Variants in NUP62CL observed in about 807,000 individuals in gnomAD.
NUP62CL encodes nucleoporin 62 C-terminal like, also known as nucleoporin-62 C-terminal-like protein.
A neutral mutation model predicts 15.3 loss-of-function variants in NUP62CL; 13 were observed. That is an observed-to-expected ratio of 0.85 (90% CI 0.55 to 1.35). The LOEUF (loss-of-function observed/expected upper bound fraction) is 1.35, where lower values mean the gene tolerates loss of function less well. Ranked by LOEUF, NUP62CL falls within the 40% of genes most tolerant of loss-of-function variation. NUP62CL has a pLI of 0.00. For missense variants in NUP62CL, 123 were observed against 130.6 expected, an observed-to-expected ratio of 0.94 and a Z score of 0.28; for synonymous variants, 54 against 49.2, an observed-to-expected ratio of 1.10 and a Z score of -0.41.
intron 8 of NUP62CL, among the ~76,000 whole-genome samples, chrX:107,129,573 T>C (rs1379825941): frequency 8.9e-6 from 1 of 112,335 alleles, no homozygotes; most frequent in African/African-American, 3.2e-5. Flanking sequence ...GAGCTGGAAG[T>C]TTCTTCTCCA....
intron 4 of NUP62CL, among the ~76,000 whole-genome samples, chrX:107,154,870 A>G (rs1046731805): frequency 9.0e-6 from 1 of 111,442 alleles, no homozygotes; most frequent in Non-Finnish European, 1.9e-5. Context: ...CAATTCCTCC[A>G]CCAGGGTTCT....
intron 7 of NUP62CL, among the ~76,000 whole-genome samples, chrX:107,152,053 T>TATATATATATATATATATATATTCAG (rs1569356971): frequency 3.5e-4 from 23 of 66,477 alleles, no homozygotes; most frequent in African/African-American, 6.8e-4. Context: ...TATTCAGATA[T>TATATATATATATATATATATATTCAG]ATATATATAT....
At chrX:107,152,119 T>TATATATATATATTCAG (rs1172367099) in intron 7 of NUP62CL, among the ~76,000 whole-genome samples, 1 of 48,864 alleles carries the variant, frequency 2.0e-5, no homozygotes, top group Admixed American at 3.0e-4. Flanking sequence ...TATATTCAGA[T>TATATATATATATTCAG]ATATATATAT....
chrX:107,148,232 A>T (rs1925927127), intron 7 of NUP62CL, among the ~76,000 whole-genome samples: 1 of 111,895 alleles, frequency 8.9e-6, no homozygotes, highest in African/African-American at 3.2e-5. Context: ...TAGTAATATA[A>T]ATTGACCCAA....
intron 1 of NUP62CL, among the ~76,000 whole-genome samples, chrX:107,197,320 C>T (rs1343212): frequency 0.24 from 26,460 of 110,549 alleles, 2,590 homozygotes; most frequent in East Asian, 0.48. Flanking sequence ...TATTCCCTAT[C>T]CTTTTTTAAC....
At chrX:107,160,313 C>T (rs1461943971) in intron 4 of NUP62CL, among the ~76,000 whole-genome samples, 8 of 105,668 alleles carry the variant, frequency 7.6e-5, no homozygotes, top group South Asian at 4.2e-4. Context: ...AAAAAGAGCC[C>T]GCATCACCAA....
At chrX:107,186,124 G>A (rs1276119996) in intron 2 of NUP62CL, among the ~76,000 whole-genome samples, 1 of 111,329 alleles carries the variant, frequency 9.0e-6, no homozygotes, top group African/African-American at 3.3e-5. Context: ...CACAGTTAGA[G>A]AGTTCAATAC....
chrX:107,164,546 C>T (rs1407948270), intron 4 of NUP62CL, among the ~76,000 whole-genome samples: 4 of 111,266 alleles, frequency 3.6e-5, no homozygotes, highest in Non-Finnish European at 7.6e-5. Context: ...ATTAATTAAA[C>T]AAAAGCTGGC....
At position 107,124,180 on chromosome X, in the gene NUP62CL, T is replaced by C. The variant is rs887033778; in HGVS notation, c.*195A>G. 1 of 326,098 alleles carries C rather than the reference T, an allele frequency of 3.1e-6. No individual in the cohort carries two copies. Among genetic ancestry groups the C allele is most frequent in the Non-Finnish European group, 6.1e-6 (1 of 164,616 alleles). The allele number at this position is 326,098 out of a possible 1,213,427, so 26.9% of individuals were successfully genotyped here. On this transcript the variant is annotated 3_prime_UTR_variant, in exon 9 of 9. Coordinates refer to ENST00000372466, the MANE Select transcript of NUP62CL (RefSeq NM_017681.3). ...AATATTAAGTATAAATACTACTCTA[T>C]TTAACATCAGAATTTGTAGGTAATA...
At chrX:107,179,199 T>C (rs1025202920) in intron 2 of NUP62CL, among the ~76,000 whole-genome samples, 33 of 112,169 alleles carry the variant, frequency 2.9e-4, no homozygotes, top group African/African-American at 9.7e-4. Flanking sequence ...ATGGGTTTCA[T>C]TGCTACTTCA....
At chrX:107,165,868 C>T (rs750244295) in intron 4 of NUP62CL, among the ~76,000 whole-genome samples, 1 of 111,945 alleles carries the variant, frequency 8.9e-6, no homozygotes, top group South Asian at 3.7e-4. Flanking sequence ...AAAAATTAAT[C>T]TTGACCTAAA....
chrX:107,205,401 A>G lies in NUP62CL; in HGVS notation c.-92+872T>C, dbSNP rs760752008. Among the ~76,000 whole-genome samples, 6 of 112,440 alleles carry G rather than the reference A, an allele frequency of 5.3e-5. No individual in the cohort carries two copies. The South Asian group carries it at 1.1e-3, about 21-fold the overall frequency. ...TATTGGTAATTTGGCCAAAAGGCCA[A>G]TAACGTTACTTTAGCCAATAACCTT... On this transcript the variant is annotated intron_variant, in intron 1 of 8. Transcript: ENST00000372466.
At chrX:107,156,398 G>C (rs1390594484) in intron 4 of NUP62CL, among the ~76,000 whole-genome samples, 6 of 102,586 alleles carry the variant, frequency 5.8e-5, no homozygotes, top group Non-Finnish European at 9.9e-5. Context: ...GCTTTGAAGA[G>C]AGCAGTGGTT....
In NUP62CL at chrX:107,166,053, A is replaced by T. The variant is rs181170034; in HGVS notation, c.194+1596T>A. Among the ~76,000 whole-genome samples the T allele has an allele frequency of 7.1e-5, 8 of 111,989 alleles. No homozygotes were observed. The East Asian group carries it at 2.2e-3, about 31-fold the overall frequency. ...GCACAATTCATTAAAAGAAAATGTGATAAACTGTAACTCATTAATTAAAGG... is the reference window on the plus strand; with the variant it reads ...GCACAATTCATTAAAAGAAAATGTGTTAAACTGTAACTCATTAATTAAAGG... On this transcript the variant is annotated intron_variant, in intron 4 of 8. Coordinates refer to ENST00000372466, the MANE Select transcript of NUP62CL (RefSeq NM_017681.3).
chrX:107,183,413 A>G (rs1290331826), intron 2 of NUP62CL, among the ~76,000 whole-genome samples: 1 of 111,057 alleles, frequency 9.0e-6, no homozygotes, highest in Non-Finnish European at 1.9e-5. Context: ...CCTGAGCAAC[A>G]TAATGAGACC....
chrX:107,157,476 A>G (rs1926231996), intron 4 of NUP62CL, among the ~76,000 whole-genome samples: 1 of 105,945 alleles, frequency 9.4e-6, no homozygotes, highest in African/African-American at 3.4e-5. Flanking sequence ...CCAATATTCA[A>G]CATTCTTAAA....
At chrX:107,180,806 G>A (rs1926900503) in intron 2 of NUP62CL, among the ~76,000 whole-genome samples, 1 of 109,926 alleles carries the variant, frequency 9.1e-6, no homozygotes, top group Non-Finnish European at 1.9e-5. Context: ...TGAATCATTT[G>A]ACTATGTTAT....
intron 4 of NUP62CL, among the ~76,000 whole-genome samples, chrX:107,160,103 T>G (rs1433239286): frequency 1.2e-5 from 1 of 80,336 alleles, no homozygotes; most frequent in African/African-American, 5.2e-5. Flanking sequence ...CAAGGAGAAC[T>G]ACAAACCACT....
chrX:107,161,877 T>G (rs1427440611), intron 4 of NUP62CL, among the ~76,000 whole-genome samples: 1 of 82,489 alleles, frequency 1.2e-5, no homozygotes, highest in Non-Finnish European at 2.5e-5. Context: ...ACCCACAACT[T>G]GAAAGAGAAA....
Sources: gnomAD v4.1 joint callset for allele counts (sites outside exome capture counted in the v4.1 genomes callset) on GRCh38, gnomAD v4.1.1 for gene constraint, MANE v1.5 for transcripts, NCBI Gene and HGNC (gene_info 2026-07-23, HGNC 2026-07-21) for gene names.